Variants in UNC13A observed in about 807,000 individuals in gnomAD.
UNC13A encodes unc-13 homolog A, also known as protein unc-13 homolog A.
In UNC13A, 61 loss-of-function variants were observed where a neutral mutation model predicts 219.7. The observed-to-expected ratio is 0.28, with a 90% CI of 0.23 to 0.34. The LOEUF (loss-of-function observed/expected upper bound fraction) is 0.34. Ranked by LOEUF, UNC13A falls within the 10% of genes least tolerant of loss-of-function variation. The pLI, the probability that UNC13A is intolerant of heterozygous loss-of-function variation, is 1.00. For missense variants in UNC13A, 1,476 were observed against 2,270.3 expected, an observed-to-expected ratio of 0.65 and a Z score of 7.11; for synonymous variants, 920 against 884.6, an observed-to-expected ratio of 1.04 and a Z score of -0.71.
chr19:17,651,252 T>TA (rs60220569), intron 12 of UNC13A, among the ~76,000 whole-genome samples: 9,595 of 149,078 alleles, frequency 0.064, 544 homozygotes, highest in East Asian at 0.21. Context: ...CATAGCTAAT[T>TA]AAAAAAAAAT....
chr19:17,682,989 C>T (rs1568276991), intron 1 of UNC13A, among the ~76,000 whole-genome samples: 2 of 151,946 alleles, frequency 1.3e-5, no homozygotes, highest in Admixed American at 6.6e-5. Context: ...TGCTTGAACC[C>T]GGGAGGAGGA....
intron 11 of UNC13A, among the ~76,000 whole-genome samples, chr19:17,653,336 A>ATATC (rs2079386534): frequency 1.3e-5 from 2 of 150,228 alleles, no homozygotes; most frequent in Admixed American, 6.7e-5. Context: ...ATAAATATAT[A>ATATC]TATATATATT....
intron 7 of UNC13A, among the ~76,000 whole-genome samples, chr19:17,666,199 T>TCTCTCTCTTTC (rs760106069): frequency 2.8e-5 from 4 of 144,060 alleles, no homozygotes; most frequent in Non-Finnish European, 6.0e-5. Flanking sequence ...CTTTCTCTCT[T>TCTCTCTCTTTC]TCTTTCTCTT....
chr19:17,670,901 C>G (rs1290931943), intron 4 of UNC13A, among the ~76,000 whole-genome samples: 1 of 113,648 alleles, frequency 8.8e-6, no homozygotes, highest in African/African-American at 3.6e-5. Flanking sequence ...GAGACTCCAT[C>G]TCACAGTAAA....
intron 1 of UNC13A, among the ~76,000 whole-genome samples, chr19:17,683,430 A>G (rs4808680): frequency 0.6 from 91,236 of 151,826 alleles, 28,731 homozygotes; most frequent in African/African-American, 0.72. Flanking sequence ...TCAGGAGTTC[A>G]AGACCAGCCT....
At position 17,674,729 on chromosome 19, in the gene UNC13A, T is replaced by C; in HGVS notation, c.80A>G (p.Lys27Arg). The C allele has an allele frequency of 6.2e-7, 1 of 1,613,894 alleles. No individual in the cohort carries two copies. The highest frequency in any genetic ancestry group is 8.5e-7 in the Non-Finnish European group (1 of 1,179,856). The change falls in exon 3 of 44, where the codon AAA (lysine) becomes AGA (arginine). Residue 27 changes from lysine to arginine, a missense_variant. Transcript: ENST00000519716. This position sits in a 1 kb window ranked among gnomAD's most constrained non-coding sequence, Gnocchi z 5.0. ...GGTCGTGCTCTTGACATTCTGCACT[T>C]TCAGGGTCACGTACGTGTTGAATTT... ...QEKFNTYVTL[K>R]VQNVKSTTIA...
chr19:17,615,400 G>A (rs1599830602), intron 41 of UNC13A, among the ~76,000 whole-genome samples: 1 of 151,708 alleles, frequency 6.6e-6, no homozygotes, highest in Non-Finnish European at 1.5e-5. Flanking sequence ...ATGGCCAGGC[G>A]CTGGGATTAC....
chr19:17,680,158 G>C (rs1334305845), intron 1 of UNC13A, among the ~76,000 whole-genome samples: 2 of 151,868 alleles, frequency 1.3e-5, no homozygotes, highest in Non-Finnish European at 2.9e-5. Context: ...GCAGAGGGGA[G>C]GGTGGTATCG....
chr19:17,648,694 C>A, intron 15 of UNC13A, 44 bp from the exon 16 acceptor site: 1 of 1,580,280 alleles, frequency 6.3e-7, no homozygotes, highest in Non-Finnish European at 8.6e-7. Context: ...CCTAACCTGG[C>A]GCTGTCCCTG....
At chr19:17,608,663 G>T (rs746128262) in intron 43 of UNC13A, among the ~76,000 whole-genome samples, 3 of 150,924 alleles carry the variant, frequency 2.0e-5, no homozygotes, top group Non-Finnish European at 4.4e-5. Context: ...GACTACAGGC[G>T]CCCGCCACCA....
At chr19:17,645,009 CTT>C (rs3049769) in intron 19 of UNC13A, among the ~76,000 whole-genome samples, 22 of 126,538 alleles carry the variant, frequency 1.7e-4, no homozygotes, top group Admixed American at 3.3e-4. Context: ...AGCCTGGATT[CTT>C]TTTTTTTTTT....
At chr19:17,648,018 C>T (rs1258120066) in intron 16 of UNC13A, among the ~76,000 whole-genome samples, 1 of 130,694 alleles carries the variant, frequency 7.7e-6, no homozygotes, top group Non-Finnish European at 1.6e-5. Flanking sequence ...CCTCCCCCTT[C>T]CAATCCCCCC....
intron 21 of UNC13A, 70 bp from the exon 22 acceptor site, chr19:17,640,731 G>T: frequency 6.8e-7 from 1 of 1,462,858 alleles, no homozygotes; most frequent in South Asian, 1.4e-5. Context: ...CCCCTAGAAT[G>T]CCTCCAAGAT....
chr19:17,671,341 T>G (rs1413319920), intron 4 of UNC13A, among the ~76,000 whole-genome samples: 2 of 152,078 alleles, frequency 1.3e-5, no homozygotes, highest in Admixed American at 1.3e-4. Flanking sequence ...AGGTGCCATC[T>G]GAAGGGCCTC....
chr19:17,631,073 CT>C (rs2076839543), intron 28 of UNC13A, among the ~76,000 whole-genome samples: 1 of 112,700 alleles, frequency 8.9e-6, no homozygotes, highest in African/African-American at 3.9e-5. Flanking sequence ...CCCTCCCTCC[CT>C]CCTTCCTTCC....
intron 16 of UNC13A, among the ~76,000 whole-genome samples, chr19:17,647,842 CCTCT>C (rs1342856704): frequency 1.4e-5 from 2 of 144,806 alleles, no homozygotes; most frequent in Non-Finnish European, 3.0e-5. Context: ...ATCTCCGCCC[CCTCT>C]CTGAGTCCCA....
intron 19 of UNC13A, among the ~76,000 whole-genome samples, chr19:17,644,227 C>A (rs914222093): frequency 6.6e-6 from 1 of 152,032 alleles, no homozygotes; most frequent in East Asian, 1.9e-4. Context: ...CTTGCTCTAT[C>A]GCCCAGGCTG....
intron 31 of UNC13A, among the ~76,000 whole-genome samples, chr19:17,628,488 C>A (rs2076807857): frequency 6.6e-6 from 1 of 151,864 alleles, no homozygotes; most frequent in Non-Finnish European, 1.5e-5. Flanking sequence ...CACACACTCA[C>A]ACTATATGCA....
intron 1 of UNC13A, among the ~76,000 whole-genome samples, chr19:17,686,308 C>A (rs1192090346): frequency 1.9e-5 from 1 of 52,168 alleles, no homozygotes; most frequent in Non-Finnish European, 3.9e-5. Flanking sequence ...GCCCCCCCCC[C>A]CCCCCCCCCA....
Sources: allele counts gnomAD v4.1 joint callset (sites outside exome capture counted in the v4.1 genomes callset), GRCh38; gene constraint gnomAD v4.1.1; non-coding constraint Gnocchi (gnomAD v3.1); transcripts MANE v1.5; gene names NCBI Gene and HGNC (gene_info 2026-07-23, HGNC 2026-07-21).